Variants in URB1 observed in about 807,000 individuals in gnomAD.
URB1 encodes the protein URB1 ribosome biogenesis factor, also known as nucleolar pre-ribosomal-associated protein 1.
In URB1, 197 loss-of-function variants were observed where a neutral mutation model predicts 242.3. The observed-to-expected ratio is 0.81, with a 90% CI of 0.72 to 0.91. The LOEUF is 0.91. URB1 is among the 40% of genes least tolerant of loss of function. The pLI is 0.00. For synonymous variants in URB1, 1,153 were observed against 1,201.8 expected, an observed-to-expected ratio of 0.96 and a Z score of 0.84; for missense variants, 2,721 against 2,860.5, an observed-to-expected ratio of 0.95 and a Z score of 1.11.
At chr21:32,329,994 A>C (rs754428774) in intron 30 of URB1, among the ~76,000 whole-genome samples, 1 of 152,170 alleles carries the variant, frequency 6.6e-6, no homozygotes, top group Non-Finnish European at 1.5e-5. Context: ...CTATGCCCTG[A>C]TCTCACTGGT....
chr21:32,393,007 G>T lies in URB1; in HGVS notation c.-97C>A. ...CAGACACGCGCTTCAGGCCCACATG[G>T]CGCAGGAAGAGGCGGGGCTGGCGGA... On this transcript the variant is annotated 5_prime_UTR_variant, in exon 1 of 39. Transcript: ENST00000382751. The T allele has an allele frequency of 2.9e-6, 4 of 1,379,090 alleles. No homozygotes were observed. Among genetic ancestry groups the T allele is most frequent in the Non-Finnish European group, 3.8e-6 (4 of 1,057,396 alleles). 85.4% of individuals were successfully genotyped at this position (1,379,090 alleles called of 1,614,324 possible).
At chr21:32,339,904 A>C (rs1037005636) in intron 25 of URB1, among the ~76,000 whole-genome samples, 6 of 152,220 alleles carry the variant, frequency 3.9e-5, no homozygotes, top group African/African-American at 1.4e-4. Flanking sequence ...AGTGCCTCCC[A>C]GGTCACCTTG....
chr21:32,359,846 T>G lies in URB1; in HGVS notation c.1819A>C (p.Lys607Gln). ...CTGGCCGGCAGCTCCAGGGCCACCT[T>G]CAGCATGTGGTGCTGCAGAATGGGA... is the stretch of plus-strand genomic sequence containing the variant. ...VPPILQHHML[K>Q]VALELPASKF... The change falls in exon 14 of 39, where the codon AAG becomes CAG. Residue 607 changes from lysine to glutamine, a missense_variant. Transcript: ENST00000382751. 1 of 1,548,020 alleles carries G rather than the reference T, an allele frequency of 6.5e-7. No individual in the cohort carries two copies. Among genetic ancestry groups the G allele is most frequent in the Non-Finnish European group, 8.7e-7 (1 of 1,145,520 alleles).
At chr21:32,349,016 A>T (rs964702494) in intron 21 of URB1, among the ~76,000 whole-genome samples, 3 of 152,242 alleles carry the variant, frequency 2.0e-5, no homozygotes, top group African/African-American at 7.2e-5. Flanking sequence ...CCTTTCACTC[A>T]ACACAAGCTG....
chr21:32,381,926 A>G (rs1159222677), intron 4 of URB1, among the ~76,000 whole-genome samples: 1 of 152,186 alleles, frequency 6.6e-6, no homozygotes, highest in Non-Finnish European at 1.5e-5. Flanking sequence ...GTAATGTCTC[A>G]ACTCCATTTC....
Position 32,338,816 on chromosome 21 carries a change from C to T in URB1, c.4401G>A (p.Thr1467=), listed in dbSNP as rs761207033. The T allele has an allele frequency of 1.4e-5, 22 of 1,551,744 alleles. No homozygotes were observed. Among genetic ancestry groups the T allele is most frequent in the Admixed American group, 7.8e-5 (4 of 51,000 alleles). The change falls in exon 26 of 39, where the codon ACG becomes ACA. Residue 1467 remains threonine (T), a synonymous_variant. Transcript: ENST00000382751. ...AGACCACCGGGAGCTGGATGAGCTT[C>T]GTGCGCACGGAGCTTTCTGGGCTGT... ...LLYSPESSVR[T]KLIQLPVVYV... is the part of the protein sequence containing the mutation.
Position 32,314,601 on chromosome 21 carries a change from G to A in URB1, c.*317C>T, listed in dbSNP as rs115917390. The A allele has an allele frequency of 6.6e-5, 106 of 1,614,094 alleles. No homozygotes were observed. The highest frequency in any genetic ancestry group is 3.0e-4 in the South Asian group (27 of 91,074). ...CATTCAGAAGTGCTGCCTCAAACTC[G>A]AGCTATTTCCTGTGATGAGCTCCAA... On this transcript the variant is annotated 3_prime_UTR_variant, in exon 39 of 39. Coordinates refer to ENST00000382751, the MANE Select transcript of URB1 (RefSeq NM_014825.3).
At chr21:32,375,538 A>G (rs1346843183) in intron 5 of URB1, 55 bp from the exon 6 acceptor site, 1 of 1,100,118 alleles carries the variant, frequency 9.1e-7, no homozygotes, top group Non-Finnish European at 1.3e-6. Context: ...AAATGAGAAT[A>G]GACGAGAGAA....
intron 4 of URB1, among the ~76,000 whole-genome samples, chr21:32,378,816 T>C (rs2033489307): frequency 6.6e-6 from 1 of 152,242 alleles, no homozygotes; most frequent in Admixed American, 6.5e-5. Context: ...AATAGTAGTG[T>C]TCCCTTCCCT....
At position 32,345,360 on chromosome 21, in the gene URB1, C is replaced by G. The variant is rs1363447401; in HGVS notation, c.4070+14G>C. 6.5e-7 allele frequency: 1 copy of G among 1,549,850 alleles called. No individual in the cohort carries two copies. The highest frequency in any genetic ancestry group is 1.2e-5 in the South Asian group (1 of 83,882). The stretch of plus-strand genomic sequence containing the variant: ...GAGAGTGGAACATCCTGCAACCAAC[C>G]TGAGCCTTCATACCTCTTGTGACTG... On this transcript the variant is annotated intron_variant, in intron 23 of 38. Transcript: ENST00000382751.
chr21:32,358,719 G>C (rs2033251885), intron 14 of URB1, among the ~76,000 whole-genome samples: 1 of 152,170 alleles, frequency 6.6e-6, no homozygotes, highest in South Asian at 2.1e-4. Context: ...CATGAGCCTA[G>C]TTGAGCTGGA....
chr21:32,366,520 T>A (rs1272707632), intron 10 of URB1, 98 bp downstream of exon 10: 1 of 1,489,648 alleles, frequency 6.7e-7, no homozygotes, highest in African/African-American at 1.4e-5. Flanking sequence ...CAAAACACAA[T>A]CAAACACATC....
chr21:32,348,232 T>A (rs991771251), intron 21 of URB1, among the ~76,000 whole-genome samples: 1 of 152,138 alleles, frequency 6.6e-6, no homozygotes, highest in South Asian at 2.1e-4. Flanking sequence ...GCTGCTGGCT[T>A]CTCCTCAGCG....
chr21:32,315,697 T>C (rs2032671620), intron 38 of URB1, among the ~76,000 whole-genome samples: 1 of 152,212 alleles, frequency 6.6e-6, no homozygotes, highest in Non-Finnish European at 1.5e-5. Flanking sequence ...GACAATGAAA[T>C]TTGAGAAGAA....
Position 32,349,388 on chromosome 21 carries a change from C to G in URB1, c.2928G>C (p.Gln976His). ...CGGCCCGGGCGGCCTCGCATCTCTGCTGGTTCTGGGCATCCAGCTGCTCAC... is the reference window on the plus strand; with the variant it reads ...CGGCCCGGGCGGCCTCGCATCTCTGGTGGTTCTGGGCATCCAGCTGCTCAC... ...VHCEQLDAQN[Q>H]QRCEAARAEA... The change falls in exon 21 of 39, where the codon CAG (glutamine) becomes CAC (histidine). Residue 976 changes from glutamine (Q) to histidine (H), a missense_variant. Transcript: ENST00000382751. 6.4e-7 allele frequency: 1 copy of G among 1,551,544 alleles called. No homozygotes were observed. Among genetic ancestry groups the G allele is most frequent in the Non-Finnish European group, 8.7e-7 (1 of 1,146,978 alleles).
chr21:32,328,352 G>A (rs992453174), intron 30 of URB1, among the ~76,000 whole-genome samples: 13 of 152,152 alleles, frequency 8.5e-5, no homozygotes, highest in African/African-American at 2.4e-4. Context: ...TGGCCAGGCT[G>A]GTTTCAAACT....
At chr21:32,375,960 AAAAAC>A (rs879536866) in intron 5 of URB1, among the ~76,000 whole-genome samples, 3 of 152,152 alleles carry the variant, frequency 2.0e-5, no homozygotes, top group South Asian at 2.1e-4. Context: ...CTGTCTCCAA[AAAAAC>A]AAAACAAAAC....
At position 32,334,232 on chromosome 21, in the gene URB1, C is replaced by G; in HGVS notation, c.4788G>C (p.Leu1596=). The G allele has an allele frequency of 6.4e-7, 1 of 1,551,578 alleles. No individual in the cohort carries two copies. The highest frequency in any genetic ancestry group is 8.7e-7 in the Non-Finnish European group (1 of 1,146,976). The change falls in exon 29 of 39, where the codon CTG becomes CTC. Residue 1596 remains leucine (L), a synonymous_variant. Coordinates refer to ENST00000382751, the MANE Select transcript of URB1 (RefSeq NM_014825.3). ...QQPSVGDILR[L]LDRDRMMQTI... is the part of the protein sequence containing the mutation. ...TCTGCATCATCCGGTCCCGGTCCAGCAGGCGAAGGATGTCCCCGACACTCG... is the reference window on the plus strand; with the variant it reads ...TCTGCATCATCCGGTCCCGGTCCAGGAGGCGAAGGATGTCCCCGACACTCG...
In URB1 at chr21:32,325,213, C is replaced by A. The variant is rs1287966882; in HGVS notation, c.5121+16G>T. On this transcript the variant is annotated intron_variant, in intron 31 of 38. Transcript: ENST00000382751. The stretch of plus-strand genomic sequence containing the variant: ...AGGCCCACCCCCACAGTAGGATGTA[C>A]GCTCTTCCTACTTACCTGGGACTGC... 6.5e-7 allele frequency: 1 copy of A among 1,544,940 alleles called. No individual in the cohort carries two copies. Among genetic ancestry groups the A allele is most frequent in the Non-Finnish European group, 8.8e-7 (1 of 1,142,196 alleles).
Sources: gnomAD v4.1 joint callset for allele counts (sites outside exome capture counted in the v4.1 genomes callset) on GRCh38, gnomAD v4.1.1 for gene constraint, MANE v1.5 for transcripts, NCBI Gene and HGNC (gene_info 2026-07-23, HGNC 2026-07-21) for gene names.